TMC8: variants seen among roughly 807,000 people sequenced by gnomAD.
TMC8 encodes the protein transmembrane channel-like protein 8.
A neutral mutation model predicts 76.0 loss-of-function variants in TMC8; 71 were observed. The ratio of observed to expected loss-of-function variants is 0.93; its 90% CI spans 0.77 to 1.14. TMC8 has a LOEUF of 1.14. Among genes scored for constraint, TMC8 ranks in the 50% most tolerant of loss-of-function variants. TMC8 has a pLI of 0.00. For synonymous variants in TMC8, 433 were observed against 433.8 expected (o/e 1.00, Z 0.02); for missense variants, 924 against 947.9 (o/e 0.97, Z 0.33).
Position 78,140,968 on chromosome 17 carries a change from A to G in TMC8, c.2037A>G (p.Pro679=). The part of the protein sequence containing the change: ...SRPQSFCPGC[P]CPGSPGHQAP... ...CGCAGTCCTTCTGCCCCGGATGCCC[A>G]TGCCCTGGCTCCCCGGGCCACCAGG... Residue 679 remains proline (P), a synonymous_variant, in exon 16 of 16, where the codon CCA becomes CCG. Transcript: ENST00000318430. The G allele has an allele frequency of 6.3e-7, 1 of 1,594,168 alleles. No homozygotes were observed. The highest frequency in any genetic ancestry group is 2.3e-5 in the East Asian group (1 of 43,716).
rs1222174878 is a variant in TMC8 at position 78,132,000 on chromosome 17, C to T, written c.268C>T (p.Leu90Phe). 17 of 1,531,858 alleles carry T rather than the reference C, an allele frequency of 1.1e-5. No individual in the cohort carries two copies. In the African/African-American group the frequency reaches 2.3e-4, roughly 21 times the overall value. The allele number at this position is 1,531,858 out of a possible 1,614,324, so 94.9% of individuals were successfully genotyped here. ...AAQRLARGLG[L>F]WEGALYEIGG... The stretch of plus-strand genomic sequence containing the variant: ...GCAGCGGCTGGCCCGGGGCCTTGGG[C>T]TCTGGGAGGGGGCGCTCTACGAGAT... Residue 90 changes from leucine to phenylalanine, a missense_variant, in exon 3 of 16, where the codon CTC (leucine) becomes TTC (phenylalanine). Coordinates refer to ENST00000318430, the MANE Select transcript of TMC8 (RefSeq NM_152468.5).
At chr17:78,140,636 C>T (rs764887910) in intron 15 of TMC8, among the ~76,000 whole-genome samples, 198 bp from the exon 16 acceptor site, 5 of 146,648 alleles carry the variant, frequency 3.4e-5, no homozygotes, top group African/African-American at 1.0e-4. Flanking sequence ...TCTAGGGCTG[C>T]ATCGGGGCGG....
At chr17:78,135,175 G>C (rs2075190987) in intron 9 of TMC8, among the ~76,000 whole-genome samples, 166 bp downstream of exon 9, 1 of 152,144 alleles carries the variant, frequency 6.6e-6, no homozygotes, top group African/African-American at 2.4e-5. Context: ...CGACCTCAGG[G>C]CCCCAGGTCT....
intron 15 of TMC8, among the ~76,000 whole-genome samples, chr17:78,139,482 A>G (rs376978077): frequency 2.6e-5 from 4 of 152,264 alleles, no homozygotes; most frequent in East Asian, 1.9e-4. Flanking sequence ...TGTAATCCCA[A>G]CGCTTTGGAG....
rs569628339 is a variant in TMC8 at position 78,137,459 on chromosome 17, G to T, written c.1251+101G>T. On this transcript the variant is annotated intron_variant, in intron 10 of 15. Transcript: ENST00000318430. The stretch of plus-strand genomic sequence containing the variant: ...TGTTCCTGCCCCTTTAGTCACCTTT[G>T]AGAGAAGCTGTGAGCAGGGCTGCCT... The T allele has an allele frequency of 1.1e-5, 17 of 1,595,058 alleles. No homozygotes were observed. In the Admixed American group the frequency reaches 2.5e-4, roughly 23 times the overall value.
intron 15 of TMC8, among the ~76,000 whole-genome samples, chr17:78,139,728 T>TAAAAA (rs34917993): frequency 1.6e-5 from 1 of 62,768 alleles, no homozygotes; most frequent in Non-Finnish European, 3.0e-5. Flanking sequence ...CGTCTCTACT[T>TAAAAA]AAAAAAAAAA....
At chr17:78,136,596 G>T (rs1243322428) in intron 9 of TMC8, 7 of 173,374 alleles carry the variant, frequency 4.0e-5, no homozygotes, top group Non-Finnish European at 8.9e-5. Context: ...GCAAGCTTGT[G>T]TCAGTGGGCT....
chr17:78,135,486 G>A (rs1199611406), intron 9 of TMC8, among the ~76,000 whole-genome samples: 3 of 152,172 alleles, frequency 2.0e-5, no homozygotes, highest in African/African-American at 7.2e-5. Context: ...CCAGGTGCAA[G>A]TTCAAAAGCA....
At position 78,141,966 on chromosome 17, in the gene TMC8, G is replaced by C. The variant is rs1281692272; in HGVS notation, c.*854G>C. The C allele has an allele frequency of 6.6e-6, 1 of 152,302 alleles. No homozygotes were observed. The highest frequency in any genetic ancestry group is 2.4e-5 in the African/African-American group (1 of 41,476). The allele number at this position is 152,302 out of a possible 1,614,324, so 9.4% of individuals were successfully genotyped here. ...TGGGGTGAAGGTACCCGCACCGCCT[G>C]GGCCTTAGTGGTATGTACGGGCCTG... is the stretch of plus-strand genomic sequence containing the variant. On this transcript the variant is annotated 3_prime_UTR_variant, in exon 16 of 16. Transcript: ENST00000318430.
In TMC8 at chr17:78,138,382, C is replaced by T. The variant is rs147103093; in HGVS notation, c.1567C>T (p.Arg523Trp). 149 of 1,611,592 alleles carry T rather than the reference C, an allele frequency of 9.2e-5. No individual in the cohort carries two copies. Among genetic ancestry groups the T allele is most frequent in the Non-Finnish European group, 1.1e-4 (131 of 1,180,004 alleles). Residue 523 changes from arginine (R) to tryptophan (W), a missense_variant, in exon 13 of 16, where the codon CGG (arginine) becomes TGG (tryptophan). By Grantham distance (101) the Arg-to-Trp change is moderately radical (BLOSUM62 -3). Coordinates refer to ENST00000318430, the MANE Select transcript of TMC8 (RefSeq NM_152468.5). ...CCTGAAGAACTCCAGGGCATCTTCG[C>T]GGCCCTTCCGTGCCTCCAGCTCCAC... ...TLLKNSRASS[R>W]PFRASSSTFF... is the part of the protein sequence containing the mutation.
In TMC8 at chr17:78,137,706, C is replaced by T. The variant is rs371291294; in HGVS notation, c.1252-11C>T. On this transcript the variant is annotated splice_polypyrimidine_tract_variant and intron_variant, in intron 10 of 15. Transcript: ENST00000318430. ...GTGAGTGGTGACGGGTCCCCTTCCC[C>T]TGCACCCCAGTGCTGGGAGAACTCC... is the stretch of plus-strand genomic sequence containing the variant. 1 of 1,611,512 alleles carries T rather than the reference C, an allele frequency of 6.2e-7. No homozygotes were observed. The highest frequency in any genetic ancestry group is 2.2e-5 in the East Asian group (1 of 44,896).
rs543233204 is a variant in TMC8 at position 78,133,606 on chromosome 17, G to A, written c.668+64G>A. ...AATCTTCCCTGATCACCCCTTCCTT[G>A]GCAGGGTACCCTCCCATTGGCAGGA... On this transcript the variant is annotated intron_variant, in intron 6 of 15. Transcript: ENST00000318430. 15 of 1,600,600 alleles carry A rather than the reference G, an allele frequency of 9.4e-6. No individual in the cohort carries two copies. The Middle Eastern group carries it at 5.6e-4, about 60-fold the overall frequency.
Position 78,142,648 on chromosome 17 carries a change from T to C in TMC8, c.*1536T>C, listed in dbSNP as rs889001981. The C allele has an allele frequency of 1.3e-5, 2 of 152,368 alleles. No individual in the cohort carries two copies. Among genetic ancestry groups the C allele is most frequent in the Admixed American group, 6.5e-5 (1 of 15,278 alleles). 9.4% of individuals were successfully genotyped at this position (152,368 alleles called of 1,614,324 possible). ...TGTTCCATCGAGGGGGCGACAAGCC[T>C]GGACCAGATGAAAGTGACTCATGTT... On this transcript the variant is annotated 3_prime_UTR_variant, in exon 16 of 16. Transcript: ENST00000318430.
chr17:78,131,235 G>T (rs1176372740), intron 1 of TMC8, 46 bp from the exon 2 acceptor site: 3 of 412,804 alleles, frequency 7.3e-6, no homozygotes, highest in Non-Finnish European at 1.4e-5. Flanking sequence ...TGCCTGTGCC[G>T]GTCCAGACTT....
At chr17:78,133,141 C>T (rs556569953) in intron 5 of TMC8, among the ~76,000 whole-genome samples, 18 of 152,250 alleles carry the variant, frequency 1.2e-4, no homozygotes, top group African/African-American at 4.3e-4. Context: ...AAAAGTGCCC[C>T]GGCCTCTGGG....
At chr17:78,133,722 C>A in intron 6 of TMC8, 131 bp from the exon 7 acceptor site, 1 of 1,532,932 alleles carries the variant, frequency 6.5e-7, no homozygotes, top group Non-Finnish European at 8.9e-7. Flanking sequence ...CGCCCCCTAC[C>A]CCGACTCCTC....
chr17:78,139,130 G>T, intron 14 of TMC8, 32 bp from the exon 15 acceptor site: 1 of 1,612,650 alleles, frequency 6.2e-7, no homozygotes. Context: ...GGCCCCAGGG[G>T]CAACTGACCA....
intron 14 of TMC8, 22 bp downstream of exon 14, chr17:78,138,754 A>G (rs1316977124): frequency 1.2e-6 from 2 of 1,602,032 alleles, no homozygotes; most frequent in Non-Finnish European, 8.5e-7. Flanking sequence ...AGCCGGGGCC[A>G]TGGGAGGGGA....
At chr17:78,133,131 A>T (rs1332308913) in intron 5 of TMC8, among the ~76,000 whole-genome samples, 1 of 104,924 alleles carries the variant, frequency 9.5e-6, no homozygotes, top group African/African-American at 5.8e-5. Context: ...ACAAAGGGGG[A>T]AAAGTGCCCC....
Sources: gnomAD v4.1 joint callset for allele counts (sites outside exome capture counted in the v4.1 genomes callset) on GRCh38, gnomAD v4.1.1 for gene constraint, MANE v1.5 for transcripts, NCBI Gene and HGNC (gene_info 2026-07-23, HGNC 2026-07-21) for gene names.